Variants in NCMAP observed in about 807,000 individuals in gnomAD.
NCMAP encodes non-compact myelin associated protein.
In NCMAP, 8 loss-of-function variants were observed where a neutral mutation model predicts 7.8. The ratio of observed to expected loss-of-function variants is 1.02; its 90% confidence interval spans 0.60 to 1.84. NCMAP has a LOEUF of 1.84. NCMAP is among the 40% of genes most tolerant of loss of function. The pLI is 0.00. For missense variants in NCMAP, 112 were observed against 131.4 expected (o/e 0.85, Z 0.72); for synonymous variants, 41 against 52.9 (o/e 0.78, Z 0.98).
At chr1:24,601,226 A>G (rs901046850) in intron 3 of NCMAP, among the ~76,000 whole-genome samples, 6 of 152,132 alleles carry the variant, frequency 3.9e-5, no homozygotes, top group African/African-American at 1.4e-4. Context: ...TTGGAGAAAT[A>G]TTTTTTAAAC....
At chr1:24,565,223 A>G (rs918333705) in intron 1 of NCMAP, among the ~76,000 whole-genome samples, 1 of 151,308 alleles carries the variant, frequency 6.6e-6, no homozygotes, top group Non-Finnish European at 1.5e-5. Flanking sequence ...GAGCTACAGC[A>G]TCTGCCATAA....
chr1:24,577,919 G>A (rs55805425), intron 1 of NCMAP, among the ~76,000 whole-genome samples: 57,430 of 151,730 alleles, frequency 0.38, 11,649 homozygotes, highest in East Asian at 0.58. Context: ...GGTTCTTGCT[G>A]CTGCTGTTGC....
intron 1 of NCMAP, among the ~76,000 whole-genome samples, chr1:24,577,414 T>TTTTTTTG (rs1557596556): frequency 1.9e-4 from 27 of 145,296 alleles, no homozygotes; most frequent in African/African-American, 6.4e-4. Flanking sequence ...TTTTTTTTTT[T>TTTTTTTG]TTTTTTTTTT....
intron 1 of NCMAP, among the ~76,000 whole-genome samples, chr1:24,577,879 T>TCC (rs1347087203): frequency 6.6e-6 from 1 of 152,234 alleles, no homozygotes; most frequent in African/African-American, 2.4e-5. Flanking sequence ...ACAAGTCGCC[T>TCC]CCCGGCCATG....
intron 2 of NCMAP, among the ~76,000 whole-genome samples, chr1:24,597,617 G>GAAAGAGAAAGAAAGAA (rs1322815675): frequency 1.1e-5 from 1 of 87,484 alleles, no homozygotes; most frequent in Admixed American, 1.3e-4. Flanking sequence ...AAGAAAGAAA[G>GAAAGAGAAAGAAAGAA]AGAAAGAAAG....
chr1:24,593,116 T>A (rs1206833736), intron 1 of NCMAP, among the ~76,000 whole-genome samples: 1 of 151,654 alleles, frequency 6.6e-6, no homozygotes, highest in Non-Finnish European at 1.5e-5. Flanking sequence ...AGACAGAGGT[T>A]GCAGTGAGCC....
In NCMAP at chr1:24,560,627, C is replaced by G. The variant is rs59627558; in HGVS notation, c.-8+4458C>G. ...GGTGTGGTGTTGTGCACCTGTGGTC[C>G]CAGCTCCTCGGGAGGCTGAGGTGGG... On this transcript the variant is annotated intron_variant, in intron 1 of 3. Transcript: ENST00000374392. Among the ~76,000 whole-genome samples the G allele has an allele frequency of 9.0e-3, 1,370 of 152,132 alleles. 21 individuals are homozygous for G. The highest frequency in any genetic ancestry group is 0.032 in the African/African-American group (1,326 of 41,482).
chr1:24,599,440 G>T (rs1188382808), intron 2 of NCMAP, among the ~76,000 whole-genome samples: 1 of 152,172 alleles, frequency 6.6e-6, no homozygotes, highest in Non-Finnish European at 1.5e-5. Context: ...ATTCTCAATA[G>T]AGAATTGGTG....
chr1:24,570,437 G>C (rs115339243), intron 1 of NCMAP, among the ~76,000 whole-genome samples: 3 of 150,802 alleles, frequency 2.0e-5, no homozygotes, highest in Non-Finnish European at 4.4e-5. Context: ...CAAGGCTGGA[G>C]TGAGCCGTGA....
chr1:24,564,716 G>GC (rs1461872238), intron 1 of NCMAP, among the ~76,000 whole-genome samples: 22 of 151,850 alleles, frequency 1.4e-4, no homozygotes, highest in African/African-American at 5.3e-4. Context: ...AAAAGAATAA[G>GC]GAAAAATTCA....
chr1:24,599,937 T>G (rs1437852282), intron 2 of NCMAP, among the ~76,000 whole-genome samples: 1 of 151,416 alleles, frequency 6.6e-6, no homozygotes, highest in Non-Finnish European at 1.5e-5. Flanking sequence ...TTAGGAATAT[T>G]TCCTTTAAGA....
At chr1:24,572,303 G>A (rs1196469601) in intron 1 of NCMAP, among the ~76,000 whole-genome samples, 2 of 150,638 alleles carry the variant, frequency 1.3e-5, no homozygotes, top group East Asian at 1.9e-4. Context: ...GATGGGCTCC[G>A]TATCCCCAAG....
In NCMAP at chr1:24,581,969, A is replaced by G. The variant is rs527822788; in HGVS notation, c.-7-13455A>G. 3.3e-5 allele frequency among the ~76,000 whole-genome samples: 5 copies of G among 152,244 alleles called. No individual in the cohort carries two copies. In the East Asian group the frequency reaches 9.7e-4, roughly 29 times the overall value. ...ATGGATACCTTTGAAGTGAAGTTAGAGGTAAGTTGGTGCTAAGACTTACAT... is the reference window on the plus strand; with the variant it reads ...ATGGATACCTTTGAAGTGAAGTTAGGGGTAAGTTGGTGCTAAGACTTACAT... On this transcript the variant is annotated intron_variant, in intron 1 of 3. Transcript: ENST00000374392.
intron 1 of NCMAP, among the ~76,000 whole-genome samples, chr1:24,593,564 C>T (rs147920964): frequency 1.6e-3 from 242 of 152,220 alleles, no homozygotes; most frequent in African/African-American, 4.8e-3. Context: ...ATGGTCAGTA[C>T]GTGGGCTCCT....
intron 1 of NCMAP, among the ~76,000 whole-genome samples, chr1:24,564,903 A>AT (rs1261852525): frequency 1.3e-5 from 2 of 152,226 alleles, no homozygotes; most frequent in East Asian, 3.8e-4. Flanking sequence ...AACTCTTTCA[A>AT]TCCAGAATTT....
At chr1:24,565,269 G>A (rs1261579652) in intron 1 of NCMAP, among the ~76,000 whole-genome samples, 1 of 151,804 alleles carries the variant, frequency 6.6e-6, no homozygotes, top group Non-Finnish European at 1.5e-5. Context: ...CTGCCCTGGA[G>A]GTTGAAACTG....
At chr1:24,570,715 G>A (rs903684777) in intron 1 of NCMAP, among the ~76,000 whole-genome samples, 1 of 150,800 alleles carries the variant, frequency 6.6e-6, no homozygotes, top group Non-Finnish European at 1.5e-5. Context: ...CTGAGCTCAC[G>A]GCACCTCTGT....
At chr1:24,593,492 CAAATAAAT>C (rs560073158) in intron 1 of NCMAP, among the ~76,000 whole-genome samples, 1,782 of 151,920 alleles carry the variant, frequency 0.012, 9 homozygotes, top group Non-Finnish European at 0.018. Flanking sequence ...GACTCCATCT[CAAATAAAT>C]AAATAAATAG....
At chr1:24,586,759 C>CAAAAAAA (rs71577722) in intron 1 of NCMAP, among the ~76,000 whole-genome samples, 2 of 107,426 alleles carry the variant, frequency 1.9e-5, no homozygotes, top group African/African-American at 3.5e-5. Flanking sequence ...GACTCCATCT[C>CAAAAAAA]AAAAAAAAAA....
Sources: allele counts gnomAD v4.1 joint callset (sites outside exome capture counted in the v4.1 genomes callset), GRCh38; gene constraint gnomAD v4.1.1; transcripts MANE v1.5; gene names NCBI Gene and HGNC (gene_info 2026-07-23, HGNC 2026-07-21).